Variants in IBTK observed in about 807,000 individuals in gnomAD.
IBTK encodes the protein inhibitor of Bruton tyrosine kinase, also known as BTK-binding protein.
Under a neutral mutation model 154.9 loss-of-function variants are expected in IBTK, and 83 were observed. That is an observed-to-expected ratio of 0.54 (90% CI 0.45 to 0.64). The LOEUF is 0.64. Among genes scored for constraint, IBTK ranks in the 30% least tolerant of loss-of-function variants. The pLI, the probability that IBTK is intolerant of heterozygous loss-of-function variation, is 0.00. For synonymous variants in IBTK, 515 were observed against 536.1 expected, an observed-to-expected ratio of 0.96 and a Z score of 0.54; for missense variants, 1,332 against 1,584.6, an observed-to-expected ratio of 0.84 and a Z score of 2.71.
At position 82,214,462 on chromosome 6, in the gene IBTK, G is replaced by A; in HGVS notation, c.1969C>T (p.Pro657Ser). The A allele has an allele frequency of 6.2e-7, 1 of 1,613,900 alleles. No homozygotes were observed. Among genetic ancestry groups the A allele is most frequent in the Non-Finnish European group, 8.5e-7 (1 of 1,179,956 alleles). The change falls in exon 12 of 29, where the codon CCA (proline) becomes TCA (serine). Residue 657 changes from proline (P) to serine (S), a missense_variant. Physicochemically the swap from Pro to Ser is moderately conservative, Grantham distance 74. Transcript: ENST00000306270. ...TTCAGAGTTCCCTGATATTCTTCTG[G>A]GTTTTTGTTTAAGTGTATTCTTGGT... ...FKPRIHLNKN[P>S]EEYQGTLNSH...
rs1210279370 is a variant in IBTK at position 82,194,504 on chromosome 6, C to G, written c.3313G>C (p.Ala1105Pro). Residue 1105 changes from alanine (A) to proline (P), a missense_variant, in exon 23 of 29, where the codon GCC becomes CCC. Physicochemically the swap from Ala to Pro is conservative, Grantham distance 27. Coordinates refer to ENST00000306270, the MANE Select transcript of IBTK (RefSeq NM_015525.4). Reference sequence around the variant, plus strand: ...CTGAAAGAACCAGCAACCCAACTGGCAGAGCTGGTAGTATCAATTCTGTTA... The same window carrying G: ...CTGAAAGAACCAGCAACCCAACTGGGAGAGCTGGTAGTATCAATTCTGTTA... ...PSNRIDTTSS[A>P]SWVAGSFSPV... The G allele has an allele frequency of 6.3e-7, 1 of 1,583,892 alleles. No individual in the cohort carries two copies. Among genetic ancestry groups the G allele is most frequent in the Non-Finnish European group, 8.6e-7 (1 of 1,166,274 alleles).
At chr6:82,185,974 GTC>G (rs1768540661) in intron 25 of IBTK, among the ~76,000 whole-genome samples, 1 of 152,016 alleles carries the variant, frequency 6.6e-6, no homozygotes. Context: ...CTCACTTTGT[GTC>G]TCTGTGTCAT....
chr6:82,213,010 A>G (rs1209668618), intron 12 of IBTK, among the ~76,000 whole-genome samples: 1 of 151,384 alleles, frequency 6.6e-6, no homozygotes, highest in African/African-American at 2.4e-5. Context: ...AAGACAAATC[A>G]AAGCCATAGC....
rs955342249 is a variant in IBTK, at chr6:82,227,112, A to AC, written c.654+79_654+80insG. 25 of 959,690 alleles carry AC rather than the reference A, an allele frequency of 2.6e-5. No homozygotes were observed. In the African/African-American group the frequency reaches 3.5e-4, roughly 13 times the overall value. The allele number at this position is 959,690 out of a possible 1,614,324, so 59.4% of individuals were successfully genotyped here. ...ATTATTTCGTCCTTACAGTTGAAAA[A>AC]AAAATTTAGTTAATTAAATCTTTCA... On this transcript the variant is annotated intron_variant, in intron 5 of 28. Transcript: ENST00000306270.
chr6:82,191,570 T>A (rs555185967), intron 24 of IBTK: 2 of 623,518 alleles, frequency 3.2e-6, no homozygotes, highest in Non-Finnish European at 5.7e-6. Context: ...TTCTGGGATG[T>A]AATACTGTAT....
chr6:82,236,221 C>A (rs80337445), intron 2 of IBTK, among the ~76,000 whole-genome samples: 4 of 152,100 alleles, frequency 2.6e-5, no homozygotes, highest in African/African-American at 9.7e-5. Flanking sequence ...TCTATCTCCC[C>A]CTAGTAGAAT....
intron 13 of IBTK, 130 bp from the exon 14 acceptor site, chr6:82,211,702 T>C (rs959225513): frequency 1.1e-5 from 7 of 659,952 alleles, no homozygotes; most frequent in African/African-American, 1.8e-5. Context: ...CAGGAATACA[T>C]ACAATAAAAT....
At chr6:82,182,707 A>G (rs1208633460) in intron 25 of IBTK, among the ~76,000 whole-genome samples, 1 of 152,248 alleles carries the variant, frequency 6.6e-6, no homozygotes, top group East Asian at 1.9e-4. Context: ...CATAATAAAT[A>G]AACAGCTGAA....
chr6:82,171,390 T>A lies in IBTK; in HGVS notation c.*35A>T. 1.3e-6 allele frequency: 2 copies of A among 1,579,568 alleles called. No homozygotes were observed. The highest frequency in any genetic ancestry group is 8.6e-7 in the Non-Finnish European group (1 of 1,160,636). On this transcript the variant is annotated 3_prime_UTR_variant, in exon 29 of 29. Transcript: ENST00000306270. ...GCTTTTCTTTATATGAACAAACTCA[T>A]AATTATGTAAAATGCATCTCAACTC...
chr6:82,194,931 G>T (rs1377826276), intron 22 of IBTK, among the ~76,000 whole-genome samples: 1 of 152,024 alleles, frequency 6.6e-6, no homozygotes, highest in Non-Finnish European at 1.5e-5. Flanking sequence ...ATATATAAAA[G>T]TTGTACAAAT....
intron 26 of IBTK, among the ~76,000 whole-genome samples, chr6:82,175,508 AGTCT>A (rs1216631230): frequency 6.6e-6 from 1 of 152,234 alleles, no homozygotes; most frequent in Non-Finnish European, 1.5e-5. Flanking sequence ...TCCAATGTGG[AGTCT>A]GTCAAAATTT....
In IBTK at chr6:82,197,886, T is replaced by C. The variant is rs191654220; in HGVS notation, c.3026-1440A>G. Among the ~76,000 whole-genome samples, 357 of 152,346 alleles carry C rather than the reference T, an allele frequency of 2.3e-3. 2 individuals carry two copies. Among genetic ancestry groups the C allele is most frequent in the African/African-American group, 7.5e-3 (312 of 41,596 alleles). On this transcript the variant is annotated intron_variant, in intron 21 of 28. Coordinates refer to ENST00000306270, the MANE Select transcript of IBTK (RefSeq NM_015525.4). The stretch of plus-strand genomic sequence containing the variant: ...TAAGCTTTTACGCAACTGTCTTTGA[T>C]GAAATTGGCCTCATACTCAAATTTT...
In IBTK at chr6:82,240,997, T is replaced by C. The variant is rs145109820; in HGVS notation, c.-357-154A>G. On this transcript the variant is annotated intron_variant, in intron 1 of 28. Transcript: ENST00000306270. ...GAACACTAAGCTTACGGGAGTTATT[T>C]ATATCCTAATGCTCAAGGTCATCGC... 3.3e-5 allele frequency among the ~76,000 whole-genome samples: 5 copies of C among 152,308 alleles called. No homozygotes were observed. In the South Asian group the frequency reaches 6.2e-4, roughly 19 times the overall value.
intron 16 of IBTK, among the ~76,000 whole-genome samples, chr6:82,209,751 A>G (rs1329325577): frequency 6.6e-6 from 1 of 152,230 alleles, no homozygotes; most frequent in East Asian, 1.9e-4. Context: ...GAATGAAAGT[A>G]GAGAAAAACA....
At chr6:82,179,471 A>C (rs185795893) in intron 26 of IBTK, among the ~76,000 whole-genome samples, 2 of 152,354 alleles carry the variant, frequency 1.3e-5, no homozygotes, top group African/African-American at 2.4e-5. Flanking sequence ...AAGAGATATA[A>C]ATTTTGAGAC....
intron 26 of IBTK, among the ~76,000 whole-genome samples, chr6:82,176,574 C>T (rs936270215): frequency 1.4e-5 from 2 of 144,084 alleles, no homozygotes; most frequent in Non-Finnish European, 3.0e-5. Context: ...TCCAGAATTA[C>T]ATAAGGGGAC....
intron 16 of IBTK, among the ~76,000 whole-genome samples, chr6:82,207,265 A>G (rs956375374): frequency 2.0e-5 from 3 of 152,326 alleles, no homozygotes; most frequent in Middle Eastern, 3.4e-3. Context: ...TCAATATACA[A>G]AAATCAATTG....
In IBTK at chr6:82,214,775, T is replaced by C; in HGVS notation, c.1656A>G (p.Lys552=). 2 of 1,611,892 alleles carry C rather than the reference T, an allele frequency of 1.2e-6. No homozygotes were observed. The highest frequency in any genetic ancestry group is 1.7e-6 in the Non-Finnish European group (2 of 1,179,044). The change falls in exon 12 of 29, where the codon AAA becomes AAG. Residue 552 remains lysine (K), a synonymous_variant. Coordinates refer to ENST00000306270, the MANE Select transcript of IBTK (RefSeq NM_015525.4). ...SSSSFFEEFG[K]LLREADEMDS... ...CCATTTCATCTGCTTCCCTCAACAG[T>C]TTGCCAAACTCTTCAAAAAAGGATG...
Position 82,218,096 on chromosome 6 carries a change from A to G in IBTK, c.1290T>C (p.Cys430=), listed in dbSNP as rs143544140. 106 of 1,597,126 alleles carry G rather than the reference A, an allele frequency of 6.6e-5. No homozygotes were observed. Among genetic ancestry groups the G allele is most frequent in the Middle Eastern group, 3.3e-4 (2 of 6,016 alleles). The change falls in exon 10 of 29, where the codon TGT becomes TGC. Residue 430 remains cysteine, a synonymous_variant. Transcript: ENST00000306270. ...AGACCTGACGTGGATAGGCCCATCG[A>G]CACTGCTTCAGAGAACTGTTGACTG... is the stretch of plus-strand genomic sequence containing the variant. ...WRSVNSSLKQ[C]RWAYPRQVFI...
Sources: gnomAD v4.1 joint callset for allele counts (sites outside exome capture counted in the v4.1 genomes callset) on GRCh38, gnomAD v4.1.1 for gene constraint, MANE v1.5 for transcripts, NCBI Gene and HGNC (gene_info 2026-07-23, HGNC 2026-07-21) for gene names.